Variants in SP100 observed in about 807,000 individuals in gnomAD.
SP100 encodes nuclear autoantigen Sp-100.
Under a neutral mutation model 130.0 loss-of-function variants are expected in SP100, and 84 were observed. The ratio of observed to expected loss-of-function variants is 0.65; its 90% confidence interval spans 0.54 to 0.77. The LOEUF (loss-of-function observed/expected upper bound fraction) is 0.77, where lower values mean the gene tolerates loss of function less well. SP100 is among the 30% of genes least tolerant of loss of function. SP100 has a pLI of 0.00. For synonymous variants in SP100, 331 were observed against 351.7 expected, an observed-to-expected ratio of 0.94 and a Z score of 0.66; for missense variants, 978 against 1,052.2, an observed-to-expected ratio of 0.93 and a Z score of 0.97.
chr2:230,463,349 A>T (rs1304067059), intron 10 of SP100, among the ~76,000 whole-genome samples: 1 of 152,214 alleles, frequency 6.6e-6, no homozygotes, highest in African/African-American at 2.4e-5. Flanking sequence ...TATAACATAA[A>T]TACTTATCAT....
intron 24 of SP100, among the ~76,000 whole-genome samples, chr2:230,521,355 G>A (rs1019432538): frequency 2.0e-5 from 3 of 152,152 alleles, no homozygotes; most frequent in Non-Finnish European, 4.4e-5. Context: ...ATTGTAACAA[G>A]GAGCTGAAAC....
intron 8 of SP100, among the ~76,000 whole-genome samples, chr2:230,459,437 T>G (rs1379205914): frequency 4.6e-5 from 7 of 152,136 alleles, no homozygotes; most frequent in Non-Finnish European, 7.3e-5. Flanking sequence ...AGGCATCACT[T>G]CCTCTCCATG....
intron 1 of SP100, chr2:230,416,658 C>A: frequency 1.2e-6 from 1 of 805,586 alleles, no homozygotes; most frequent in Non-Finnish European, 1.5e-6. Flanking sequence ...AACCCTTTCA[C>A]CCCTCAGCCT....
At chr2:230,500,373 T>C (rs1649921) in intron 19 of SP100, among the ~76,000 whole-genome samples, 127,306 of 152,114 alleles carry the variant, frequency 0.84, 53,611 homozygotes, top group Middle Eastern at 0.93. Context: ...TCCTCAGCCC[T>C]GATGTCTCCA....
Position 230,416,287 on chromosome 2 carries a change from G to T in SP100, c.-10G>T. The T allele has an allele frequency of 6.2e-7, 1 of 1,613,184 alleles. No individual in the cohort carries two copies. The highest frequency in any genetic ancestry group is 2.2e-5 in the East Asian group (1 of 44,856). On this transcript the variant is annotated 5_prime_UTR_variant, in exon 1 of 29. The change creates a new upstream start codon in the 5' untranslated region. Transcript: ENST00000340126. Reference sequence around the variant, plus strand: ...GGCTCTGAGGCCCACGCAGGGCCTAGGGTGGGAAGATGGCAGGTGGGGGCG... The same window carrying T: ...GGCTCTGAGGCCCACGCAGGGCCTATGGTGGGAAGATGGCAGGTGGGGGCG...
chr2:230,450,855 T>G (rs1219236008), intron 8 of SP100, among the ~76,000 whole-genome samples: 1 of 151,936 alleles, frequency 6.6e-6, no homozygotes, highest in Non-Finnish European at 1.5e-5. Flanking sequence ...TATTTCATTG[T>G]GTATATATTT....
chr2:230,453,520 G>GA (rs1373352140), intron 8 of SP100, among the ~76,000 whole-genome samples: 10 of 152,122 alleles, frequency 6.6e-5, no homozygotes. Context: ...TTTTTATCAT[G>GA]AAAAAATGTT....
At chr2:230,535,134 T>G (rs1321852308) in intron 24 of SP100, among the ~76,000 whole-genome samples, 7 of 151,924 alleles carry the variant, frequency 4.6e-5, no homozygotes, top group Non-Finnish European at 1.5e-5. Flanking sequence ...AGGTGGAGGT[T>G]GCAGTGAGCC....
intron 8 of SP100, among the ~76,000 whole-genome samples, chr2:230,459,572 T>G (rs921795939): frequency 6.6e-6 from 1 of 152,252 alleles, no homozygotes; most frequent in African/African-American, 2.4e-5. Context: ...CATCTCTCTT[T>G]GGAAGCTGCA....
rs138926485 is a variant in SP100 at position 230,417,755 on chromosome 2, A to C, written c.107+90A>C. On this transcript the variant is annotated intron_variant, in intron 2 of 28. Coordinates refer to ENST00000340126, the MANE Select transcript of SP100 (RefSeq NM_001080391.2). ...GCTTTTCATGTTTCTTGGCCATTTA[A>C]ATTCCCTCTTCTATAAATTGCTTGT... 8.4e-5 allele frequency: 127 copies of C among 1,518,548 alleles called. 1 individual carries two copies. The African/African-American group carries it at 1.3e-3, about 16-fold the overall frequency. The allele number at this position is 1,518,548 out of a possible 1,614,324, so 94.1% of individuals were successfully genotyped here.
At chr2:230,515,625 AGAT>A (rs778653339) in intron 24 of SP100, 2 of 1,602,090 alleles carry the variant, frequency 1.2e-6, no homozygotes, top group Admixed American at 1.7e-5. Context: ...AAAATGAAGA[AGAT>A]GATGATAAAT....
intron 24 of SP100, among the ~76,000 whole-genome samples, chr2:230,513,988 A>G (rs569392543): frequency 6.6e-6 from 1 of 152,234 alleles, no homozygotes; most frequent in East Asian, 1.9e-4. Flanking sequence ...AGAGTAACCA[A>G]ATGAACAAGT....
intron 17 of SP100, among the ~76,000 whole-genome samples, chr2:230,477,850 G>T (rs141845860): frequency 0.014 from 2,086 of 150,478 alleles, 52 homozygotes; most frequent in African/African-American, 0.048. Context: ...CAGGAGTATT[G>T]CTTGAACCCG....
In SP100 at chr2:230,516,073, T is replaced by G. The variant is rs192459226; in HGVS notation, c.2094+4907T>G. On this transcript the variant is annotated intron_variant, in intron 24 of 28. Coordinates refer to ENST00000340126, the MANE Select transcript of SP100 (RefSeq NM_001080391.2). ...TGTTGACATTCTGAATGCTTCTAAG[T>G]AAATACAATTTTTAAAAAACCGTAT... 9 of 989,836 alleles carry G rather than the reference T, an allele frequency of 9.1e-6. No individual in the cohort carries two copies. In the East Asian group the frequency reaches 5.5e-4, roughly 60 times the overall value. The allele number at this position is 989,836 out of a possible 1,614,324, so 61.3% of individuals were successfully genotyped here. A position where few individuals can be genotyped will look rare whatever the true frequency, so the allele number is the denominator to read the frequency against.
At chr2:230,449,991 A>G (rs951409917) in intron 7 of SP100, among the ~76,000 whole-genome samples, 181 bp from the exon 8 acceptor site, 2 of 152,238 alleles carry the variant, frequency 1.3e-5, no homozygotes, top group African/African-American at 4.8e-5. Context: ...AAAAGGAGAA[A>G]GTAAGAGAGA....
intron 2 of SP100, among the ~76,000 whole-genome samples, chr2:230,430,206 G>T (rs1392183240): frequency 1.3e-5 from 2 of 152,228 alleles, no homozygotes; most frequent in Non-Finnish European, 2.9e-5. Flanking sequence ...GAGATCTCCA[G>T]CTGGGTCAGA....
chr2:230,445,904 C>T (rs1429335237), intron 4 of SP100, among the ~76,000 whole-genome samples: 2 of 152,064 alleles, frequency 1.3e-5, no homozygotes, highest in Non-Finnish European at 2.9e-5. Flanking sequence ...GGGACAGCAC[C>T]ACCCACCGCC....
At chr2:230,430,109 G>T (rs926996392) in intron 2 of SP100, among the ~76,000 whole-genome samples, 11 of 152,138 alleles carry the variant, frequency 7.2e-5, no homozygotes, top group African/African-American at 2.7e-4. Flanking sequence ...GTTTGTTTCG[G>T]CAGGGAAAGC....
At chr2:230,533,994 T>C (rs1289605930) in intron 24 of SP100, among the ~76,000 whole-genome samples, 3 of 152,228 alleles carry the variant, frequency 2.0e-5, no homozygotes, top group Non-Finnish European at 2.9e-5. Context: ...TAATGAAATA[T>C]TTTTATTTAC....
Sources: gnomAD v4.1 joint callset for allele counts (sites outside exome capture counted in the v4.1 genomes callset) on GRCh38, gnomAD v4.1.1 for gene constraint, MANE v1.5 for transcripts, NCBI Gene and HGNC (gene_info 2026-07-23, HGNC 2026-07-21) for gene names.